KCNAB1: variants seen among roughly 807,000 people sequenced by gnomAD.
KCNAB1 encodes the protein voltage-gated potassium channel subunit beta-1.
A neutral mutation model predicts 64.6 loss-of-function variants in KCNAB1; 35 were observed. That is an observed-to-expected ratio of 0.54 (90% CI 0.41 to 0.72). KCNAB1 has a LOEUF of 0.72. Ranked by LOEUF, KCNAB1 falls within the 30% of genes least tolerant of loss-of-function variation. The pLI, the probability that KCNAB1 is intolerant of heterozygous loss-of-function variation, is 0.00. For missense variants in KCNAB1, 401 were observed against 512.9 expected, an observed-to-expected ratio of 0.78 and a Z score of 2.11; for synonymous variants, 177 against 183.8, an observed-to-expected ratio of 0.96 and a Z score of 0.30.
intron 1 of KCNAB1, among the ~76,000 whole-genome samples, chr3:156,259,970 T>G (rs1007665431): frequency 6.6e-6 from 1 of 152,204 alleles, no homozygotes; most frequent in African/African-American, 2.4e-5. Context: ...TGGATGCCCC[T>G]GGACTCTCCC....
rs144279774 is a variant in KCNAB1 at position 156,518,461 on chromosome 3, G to GAAAGAAAAGA, written c.960+2110_960+2119dup. 2.6e-3 allele frequency among the ~76,000 whole-genome samples: 386 copies of GAAAGAAAAGA among 149,900 alleles called. 5 individuals carry two copies. The highest frequency in any genetic ancestry group is 9.1e-3 in the African/African-American group (363 of 40,070). On this transcript the variant is annotated intron_variant, in intron 11 of 13. Transcript: ENST00000490337. ...ATGAGGATGCCATGAAAGAGAAAGA[G>GAAAGAAAAGA]AAAGAAAAGAAAAGAAAAGAAAGAA...
intron 1 of KCNAB1, among the ~76,000 whole-genome samples, chr3:156,173,749 A>G (rs1302789649): frequency 1.3e-5 from 2 of 152,280 alleles, no homozygotes; most frequent in East Asian, 1.9e-4. Context: ...GTTTGTTTCA[A>G]TGTTATTTCT....
intron 1 of KCNAB1, among the ~76,000 whole-genome samples, chr3:156,205,918 C>T (rs1190607982): frequency 6.6e-6 from 1 of 152,224 alleles, no homozygotes; most frequent in Admixed American, 6.5e-5. Context: ...CATGGATAGT[C>T]CTGTTGTTCC....
intron 1 of KCNAB1, among the ~76,000 whole-genome samples, chr3:156,391,373 G>A (rs1012036460): frequency 6.6e-6 from 1 of 151,570 alleles, no homozygotes; most frequent in African/African-American, 2.4e-5. Flanking sequence ...ATTTTCATTT[G>A]CCCCACTGGC....
chr3:156,150,109 C>T (rs1715312894), intron 1 of KCNAB1, among the ~76,000 whole-genome samples: 1 of 152,086 alleles, frequency 6.6e-6, no homozygotes, highest in Admixed American at 6.6e-5. Context: ...ATCAATATTT[C>T]TGGAGGAAAG....
intron 8 of KCNAB1, among the ~76,000 whole-genome samples, chr3:156,494,481 TATC>T (rs1715859136): frequency 6.6e-6 from 1 of 152,166 alleles, no homozygotes; most frequent in African/African-American, 2.4e-5. Context: ...ACTCAGCACT[TATC>T]TTTTCCTGCT....
At chr3:156,275,207 A>G (rs1212121108) in intron 1 of KCNAB1, among the ~76,000 whole-genome samples, 1 of 152,254 alleles carries the variant, frequency 6.6e-6, no homozygotes, top group East Asian at 1.9e-4. Context: ...CAGTGCATAT[A>G]AAAGTTATGT....
intron 1 of KCNAB1, among the ~76,000 whole-genome samples, chr3:156,245,600 C>A (rs939210713): frequency 6.6e-6 from 1 of 152,128 alleles, no homozygotes; most frequent in Non-Finnish European, 1.5e-5. Flanking sequence ...ATTCCCTTTA[C>A]TATATAATAT....
chr3:156,323,750 C>T lies in KCNAB1; in HGVS notation c.276-97866C>T, dbSNP rs537086360. On this transcript the variant is annotated intron_variant, in intron 1 of 13. Transcript: ENST00000490337. ...TTCCTGTTATTATAGTCGTGTCATA[C>T]CTTGACTTTTCTTGGTCCCAAACAA... is the stretch of plus-strand genomic sequence containing the variant. Among the ~76,000 whole-genome samples the T allele has an allele frequency of 2.0e-5, 3 of 152,234 alleles. No homozygotes were observed. In the East Asian group the frequency reaches 5.8e-4, roughly 29 times the overall value.
chr3:156,363,921 T>C (rs1246861860), intron 1 of KCNAB1, among the ~76,000 whole-genome samples: 4 of 152,234 alleles, frequency 2.6e-5, no homozygotes, highest in Admixed American at 2.6e-4. Flanking sequence ...GATCATACCA[T>C]TTCCACTGTA....
intron 1 of KCNAB1, chr3:156,143,200 T>A: frequency 1.2e-6 from 2 of 1,611,234 alleles, no homozygotes; most frequent in Non-Finnish European, 1.7e-6. Context: ...TAAACCTGCC[T>A]GTGCAGACAT....
At chr3:156,286,440 G>C (rs1432503886) in intron 1 of KCNAB1, among the ~76,000 whole-genome samples, 2 of 152,160 alleles carry the variant, frequency 1.3e-5, no homozygotes, top group East Asian at 3.9e-4. Flanking sequence ...TTGCCTGGCT[G>C]CATAATTGAG....
chr3:156,459,727 G>A, intron 4 of KCNAB1, 100 bp from the exon 5 acceptor site: 1 of 812,538 alleles, frequency 1.2e-6, no homozygotes, highest in Non-Finnish European at 2.0e-6. Context: ...GGGATATGTA[G>A]GCACTGAGAG....
intron 2 of KCNAB1, among the ~76,000 whole-genome samples, chr3:156,447,990 C>T (rs13324766): frequency 6.6e-6 from 1 of 151,870 alleles, no homozygotes; most frequent in Admixed American, 6.6e-5. Context: ...AATCACCAAA[C>T]GATAATGAGG....
At chr3:156,143,262 T>C (rs1441114962) in intron 1 of KCNAB1, 2 of 1,613,932 alleles carry the variant, frequency 1.2e-6, no homozygotes, top group Non-Finnish European at 1.7e-6. Context: ...CTCTAAAATG[T>C]AGATGGCACC....
intron 8 of KCNAB1, among the ~76,000 whole-genome samples, chr3:156,478,826 T>C (rs1364760951): frequency 6.6e-6 from 1 of 152,152 alleles, no homozygotes; most frequent in Non-Finnish European, 1.5e-5. Flanking sequence ...ATCATATATC[T>C]AATTAGTTTT....
intron 13 of KCNAB1, among the ~76,000 whole-genome samples, chr3:156,532,534 A>G (rs1333281516): frequency 2.0e-5 from 3 of 152,222 alleles, no homozygotes; most frequent in Non-Finnish European, 4.4e-5. Flanking sequence ...CCCTGTTACC[A>G]TTCCCAAAAG....
chr3:156,209,529 G>A (rs1490142462), intron 1 of KCNAB1, among the ~76,000 whole-genome samples: 1 of 152,178 alleles, frequency 6.6e-6, no homozygotes, highest in African/African-American at 2.4e-5. Context: ...GAACATTAAA[G>A]ACAGGTGTTA....
At chr3:156,427,471 A>G (rs1255480662) in intron 2 of KCNAB1, among the ~76,000 whole-genome samples, 1 of 152,174 alleles carries the variant, frequency 6.6e-6, no homozygotes. Context: ...CTATTTTTCT[A>G]CACTCCTATT....
Sources: allele counts gnomAD v4.1 joint callset (sites outside exome capture counted in the v4.1 genomes callset), GRCh38; gene constraint gnomAD v4.1.1; transcripts MANE v1.5; gene names NCBI Gene and HGNC (gene_info 2026-07-23, HGNC 2026-07-21).